HECA: variants seen among roughly 807,000 people sequenced by gnomAD.
HECA encodes HECA ribonucleoprotein granule regulator, also known as headcase protein homolog.
In HECA, 13 loss-of-function variants were observed where a neutral mutation model predicts 37.6. That is an observed-to-expected ratio of 0.35 (90% CI 0.23 to 0.55). The LOEUF is 0.55. HECA is among the 20% of genes least tolerant of loss of function. The probability of loss-of-function intolerance (pLI) is 0.90; values close to 1 mark genes in which losing one functional copy is unlikely to be tolerated. For synonymous variants in HECA, 307 were observed against 291.5 expected (o/e 1.05, Z -0.54); for missense variants, 527 against 701.9 (o/e 0.75, Z 2.82).
At chr6:139,140,812 A>T (rs537778070) in intron 1 of HECA, among the ~76,000 whole-genome samples, 4 of 152,104 alleles carry the variant, frequency 2.6e-5, no homozygotes, top group African/African-American at 9.6e-5. Context: ...GTTTTTTGAG[A>T]TGGAGTCTCG....
intron 1 of HECA, among the ~76,000 whole-genome samples, chr6:139,154,108 C>T (rs1434276034): frequency 1.3e-5 from 2 of 152,198 alleles, no homozygotes; most frequent in African/African-American, 4.8e-5. Context: ...CCCCCTTTCC[C>T]TAGCTCTGTG....
rs531877580 is a variant in HECA, at chr6:139,155,271, A to T, written c.272-11013A>T. ...GCACAGTAAAAATACAGTACAAAAG[A>T]TAAACAGTGGTACACACATGTAGGC... On this transcript the variant is annotated intron_variant, in intron 1 of 3. Coordinates refer to ENST00000367658, the MANE Select transcript of HECA (RefSeq NM_016217.3). Among the ~76,000 whole-genome samples the T allele has an allele frequency of 4.6e-5, 7 of 152,332 alleles. No individual in the cohort carries two copies. The South Asian group carries it at 1.5e-3, about 32-fold the overall frequency.
Position 139,180,074 on chromosome 6 carries a change from T to C in HECA, c.*2969T>C, listed in dbSNP as rs1463769447. The C allele has an allele frequency of 6.6e-6, 1 of 152,196 alleles. No homozygotes were observed. The highest frequency in any genetic ancestry group is 1.5e-5 in the Non-Finnish European group (1 of 68,018). 9.4% of individuals were successfully genotyped at this position (152,196 alleles called of 1,614,324 possible). On this transcript the variant is annotated 3_prime_UTR_variant, in exon 4 of 4. Transcript: ENST00000367658. ...CAGTTGATATAATGGGTTTATACTT[T>C]AAAAGATAGACATGGTGCCATGAAG...
chr6:139,160,239 G>A (rs982171443), intron 1 of HECA, among the ~76,000 whole-genome samples: 1 of 152,126 alleles, frequency 6.6e-6, no homozygotes, highest in African/African-American at 2.4e-5. Flanking sequence ...GGCCTTGGAA[G>A]GTTTATATAC....
rs768203657 is a variant in HECA, at chr6:139,166,420, G to A, written c.408G>A (p.Glu136=). The change falls in exon 2 of 4, where the codon GAG becomes GAA. Residue 136 remains glutamate, a synonymous_variant. Transcript: ENST00000367658. ...STWMHLQCFY[E]WESSILVQFN... ...GGATGCACCTGCAGTGCTTCTACGAGTGGGAGAGCAGCATCCTCGTCCAGT... is the reference window on the plus strand; with the variant it reads ...GGATGCACCTGCAGTGCTTCTACGAATGGGAGAGCAGCATCCTCGTCCAGT... 5.6e-6 allele frequency: 9 copies of A among 1,614,142 alleles called. No individual in the cohort carries two copies. The highest frequency in any genetic ancestry group is 2.7e-5 in the African/African-American group (2 of 74,950).
At chr6:139,167,573 C>T (rs183923358) in intron 2 of HECA, among the ~76,000 whole-genome samples, 12 of 152,188 alleles carry the variant, frequency 7.9e-5, no homozygotes, top group South Asian at 2.1e-4. Context: ...AAAGGATTGC[C>T]GGTGTATGGT....
intron 1 of HECA, among the ~76,000 whole-genome samples, chr6:139,146,774 A>G (rs1417635057): frequency 6.6e-6 from 1 of 152,242 alleles, no homozygotes; most frequent in Non-Finnish European, 1.5e-5. Context: ...GAATTCTTCC[A>G]AATGGCTTCC....
In HECA at chr6:139,176,414, T is replaced by C; in HGVS notation, c.1468-527T>C. The stretch of plus-strand genomic sequence containing the variant: ...AGTCCTGGACCCATTGCTGAAAGGT[T>C]CCAGGACTGTGCTGTTACGGAGAGG... On this transcript the variant is annotated intron_variant, in intron 3 of 3. Coordinates refer to ENST00000367658, the MANE Select transcript of HECA (RefSeq NM_016217.3). This position sits in a 1 kb window ranked among gnomAD's most constrained non-coding sequence, Gnocchi z 4.5. Among the ~76,000 whole-genome samples, 1 of 152,224 alleles carries C rather than the reference T, an allele frequency of 6.6e-6. No homozygotes were observed. Among genetic ancestry groups the C allele is most frequent in the Admixed American group, 6.5e-5 (1 of 15,284 alleles).
intron 2 of HECA, among the ~76,000 whole-genome samples, chr6:139,168,008 T>C (rs1276542636): frequency 6.6e-6 from 1 of 152,212 alleles, no homozygotes; most frequent in Admixed American, 6.5e-5. Flanking sequence ...ACATCACATA[T>C]AACATGTTTA....
Position 139,166,327 on chromosome 6 carries a change from G to T in HECA, c.315G>T (p.Pro105=). The T allele has an allele frequency of 6.2e-7, 1 of 1,612,768 alleles. No homozygotes were observed. Among genetic ancestry groups the T allele is most frequent in the Non-Finnish European group, 8.5e-7 (1 of 1,179,016 alleles). ...ATPLICSFGR[P]VDLEKDDYQK... is the part of the protein sequence containing the mutation. ...CCCTGATCTGCAGCTTCGGTAGGCC[G>T]GTGGACCTGGAGAAGGACGACTACC... is the stretch of plus-strand genomic sequence containing the variant. Residue 105 remains proline (P), a synonymous_variant, in exon 2 of 4, where the codon CCG becomes CCT. Transcript: ENST00000367658.
At chr6:139,141,281 TCA>T (rs1422412547) in intron 1 of HECA, among the ~76,000 whole-genome samples, 1 of 152,200 alleles carries the variant, frequency 6.6e-6, no homozygotes, top group African/African-American at 2.4e-5. Context: ...ATTTTTTTTC[TCA>T]CAAAACTTTT....
At chr6:139,157,488 G>A (rs894988112) in intron 1 of HECA, among the ~76,000 whole-genome samples, 15 of 152,076 alleles carry the variant, frequency 9.9e-5, no homozygotes, top group Admixed American at 8.5e-4. Context: ...ATCTTCATGG[G>A]GTTAGAAGAA....
At position 139,166,823 on chromosome 6, in the gene HECA, C is replaced by T; in HGVS notation, c.811C>T (p.Gln271Ter). The T allele has an allele frequency of 6.2e-7, 1 of 1,613,696 alleles. No homozygotes were observed. ...GARSPGGSPGQSPPTGYSILS... is the reference protein window; with the variant it reads ...GARSPGGSPG ...CCGTTCCCCCGGTGGCTCCCCGGGC[C>T]AGTCCCCACCCACGGGCTACTCCAT... Residue 271 changes from glutamine to a stop codon, truncating the protein, a stop_gained, in exon 2 of 4, where the codon CAG becomes TAG. Coordinates refer to ENST00000367658, the MANE Select transcript of HECA (RefSeq NM_016217.3). LOFTEE classifies it high-confidence loss of function.
intron 1 of HECA, among the ~76,000 whole-genome samples, chr6:139,145,017 G>A (rs1774565719): frequency 6.6e-6 from 1 of 152,154 alleles, no homozygotes; most frequent in African/African-American, 2.4e-5. Context: ...TTGTCCCTAT[G>A]GTTTATTTTT....
chr6:139,150,644 T>C (rs888608573), intron 1 of HECA, among the ~76,000 whole-genome samples: 3 of 151,880 alleles, frequency 2.0e-5, no homozygotes, highest in East Asian at 3.8e-4. Flanking sequence ...AATTCTATAA[T>C]AGTAGAAAGT....
chr6:139,164,653 A>T (rs2114469276), intron 1 of HECA, among the ~76,000 whole-genome samples: 1 of 152,290 alleles, frequency 6.6e-6, no homozygotes, highest in East Asian at 1.9e-4. Flanking sequence ...ACGGAAATGC[A>T]AGCAAGAATG....
chr6:139,173,012 T>A (rs1387243857), intron 2 of HECA, among the ~76,000 whole-genome samples: 2 of 152,162 alleles, frequency 1.3e-5, no homozygotes, highest in Non-Finnish European at 2.9e-5. Flanking sequence ...GTGGCCTCTG[T>A]ACCTGGGAAT....
At chr6:139,167,847 G>A (rs1162399766) in intron 2 of HECA, among the ~76,000 whole-genome samples, 1 of 152,134 alleles carries the variant, frequency 6.6e-6, no homozygotes, top group Non-Finnish European at 1.5e-5. Flanking sequence ...TGGTGGTGGT[G>A]GAAGGAGGGG....
chr6:139,171,589 C>T (rs996754483), intron 2 of HECA, among the ~76,000 whole-genome samples: 1 of 152,160 alleles, frequency 6.6e-6, no homozygotes, highest in Non-Finnish European at 1.5e-5. Context: ...TCTTCAATCA[C>T]CAATTACTGA....
Sources: allele counts gnomAD v4.1 joint callset (sites outside exome capture counted in the v4.1 genomes callset), GRCh38; gene constraint gnomAD v4.1.1; non-coding constraint Gnocchi (gnomAD v3.1); transcripts MANE v1.5; gene names NCBI Gene and HGNC (gene_info 2026-07-23, HGNC 2026-07-21).